The following DOCK9 variants were observed in gnomAD, a reference collection of about 807,000 sequenced individuals.
DOCK9 encodes the protein dedicator of cytokinesis protein 9.
A neutral mutation model predicts 263.3 loss-of-function variants in DOCK9; 89 were observed. The ratio of observed to expected loss-of-function variants is 0.34; its 90% CI spans 0.28 to 0.40. DOCK9 has a LOEUF of 0.40. DOCK9 is among the 10% of genes least tolerant of loss of function. The pLI, the probability that DOCK9 is intolerant of heterozygous loss-of-function variation, is 1.00. For missense variants in DOCK9, 2,140 were observed against 2,603.4 expected (o/e 0.82, Z 3.87); for synonymous variants, 976 against 973.1 (o/e 1.00, Z -0.06).
chr13:99,043,968 G>T (rs929197900), intron 1 of DOCK9, among the ~76,000 whole-genome samples: 1 of 152,074 alleles, frequency 6.6e-6, no homozygotes, highest in Non-Finnish European at 1.5e-5. Context: ...TCTAATAAAA[G>T]TTTGCTGAAT....
chr13:98,885,235 A>G, intron 20 of DOCK9, 143 bp from the exon 21 acceptor site: 1 of 1,131,950 alleles, frequency 8.8e-7, no homozygotes, highest in East Asian at 2.6e-5. Context: ...CCTAAATGTA[A>G]TCTCTGCAGA....
chr13:98,867,014 T>A lies in DOCK9; in HGVS notation c.3286+411A>T, dbSNP rs972714343. 1.2e-5 allele frequency: 5 copies of A among 404,824 alleles called. No individual in the cohort carries two copies. In the Admixed American group the frequency reaches 1.9e-4, roughly 15 times the overall value. The allele number at this position is 404,824 out of a possible 1,614,324, so 25.1% of individuals were successfully genotyped here. A position where few individuals can be genotyped will look rare whatever the true frequency, so the allele number is the denominator to read the frequency against. On this transcript the variant is annotated intron_variant, in intron 30 of 52. Coordinates refer to ENST00000682017, the MANE Select transcript of DOCK9 (RefSeq NM_001366683.2). The stretch of plus-strand genomic sequence containing the variant: ...TTCAGCCATCACTTGCATTCTTTAT[T>A]TTTTAGAGGAGGAAAATGCAAGAAA...
chr13:98,966,534 T>C (rs1486896566), intron 1 of DOCK9, among the ~76,000 whole-genome samples: 1 of 152,252 alleles, frequency 6.6e-6, no homozygotes, highest in African/African-American at 2.4e-5. Context: ...TTTTTAGCAT[T>C]ATGACCTAAA....
chr13:98,968,657 G>A (rs1404715394), intron 1 of DOCK9, among the ~76,000 whole-genome samples: 1 of 152,148 alleles, frequency 6.6e-6, no homozygotes, highest in Non-Finnish European at 1.5e-5. Context: ...TATGGCTCAT[G>A]TTATATTTCT....
intron 7 of DOCK9, among the ~76,000 whole-genome samples, chr13:98,917,982 G>C (rs138308983): frequency 2.6e-4 from 40 of 152,200 alleles, no homozygotes; most frequent in Admixed American, 2.4e-3. Context: ...TCACTTAATT[G>C]ACCTCCTTGG....
intron 18 of DOCK9, among the ~76,000 whole-genome samples, chr13:98,887,141 A>ATTTTTTTTTTT (rs1335567169): frequency 2.3e-4 from 14 of 59,618 alleles, no homozygotes; most frequent in East Asian, 1.7e-3. Flanking sequence ...ATATATATAT[A>ATTTTTTTTTTT]TATTTTTTTT....
chr13:98,937,099 T>C (rs1435230455), intron 2 of DOCK9, among the ~76,000 whole-genome samples: 1 of 152,242 alleles, frequency 6.6e-6, no homozygotes, highest in Non-Finnish European at 1.5e-5. Context: ...CCCAACATCA[T>C]TTGAATGCCC....
At chr13:98,824,902 A>G (rs527864315) in intron 44 of DOCK9, among the ~76,000 whole-genome samples, 1 of 152,352 alleles carries the variant, frequency 6.6e-6, no homozygotes, top group East Asian at 1.9e-4. Flanking sequence ...GAAATGTATG[A>G]TTCAAAAAGA....
At chr13:99,050,416 C>T (rs994179807) in intron 1 of DOCK9, among the ~76,000 whole-genome samples, 2 of 152,132 alleles carry the variant, frequency 1.3e-5, no homozygotes, top group East Asian at 1.9e-4. Flanking sequence ...ATGTCATGAC[C>T]GGGCGCAGTG....
intron 34 of DOCK9, among the ~76,000 whole-genome samples, chr13:98,854,094 C>T (rs2093641476): frequency 6.6e-6 from 1 of 152,134 alleles, no homozygotes; most frequent in Non-Finnish European, 1.5e-5. Flanking sequence ...AGGGACACGT[C>T]AGCACAGCAT....
At chr13:99,055,427 G>A (rs1386256922) in intron 1 of DOCK9, among the ~76,000 whole-genome samples, 4 of 152,190 alleles carry the variant, frequency 2.6e-5, no homozygotes, top group African/African-American at 4.8e-5. Flanking sequence ...GAACGTCTGC[G>A]TTGGCTGGGC....
At chr13:98,896,978 G>C (rs1475149197) in intron 15 of DOCK9, among the ~76,000 whole-genome samples, 1 of 152,186 alleles carries the variant, frequency 6.6e-6, no homozygotes, top group South Asian at 2.1e-4. Context: ...AGACACACAG[G>C]AAGAGGACCA....
intron 1 of DOCK9, among the ~76,000 whole-genome samples, chr13:99,084,066 C>A (rs1675998618): frequency 6.6e-6 from 1 of 152,176 alleles, no homozygotes; most frequent in Non-Finnish European, 1.5e-5. Flanking sequence ...TGCTGCTCTG[C>A]CTCCTGAGAA....
intron 15 of DOCK9, among the ~76,000 whole-genome samples, chr13:98,896,076 C>G (rs768022951): frequency 6.6e-6 from 1 of 152,162 alleles, no homozygotes; most frequent in Non-Finnish European, 1.5e-5. Context: ...ATCAGCCCAG[C>G]GGGCATGCAC....
At chr13:98,874,574 T>C (rs1399962394) in intron 27 of DOCK9, among the ~76,000 whole-genome samples, 2 of 152,210 alleles carry the variant, frequency 1.3e-5, no homozygotes, top group East Asian at 3.8e-4. Flanking sequence ...TTCATAATGC[T>C]CTCCATCCTC....
chr13:98,975,024 A>C (rs2060099771), intron 1 of DOCK9, among the ~76,000 whole-genome samples: 1 of 152,220 alleles, frequency 6.6e-6, no homozygotes, highest in Non-Finnish European at 1.5e-5. Flanking sequence ...AAACAATTAG[A>C]AACAAATTAA....
At chr13:98,870,702 T>G (rs1443847716) in intron 27 of DOCK9, among the ~76,000 whole-genome samples, 1 of 152,052 alleles carries the variant, frequency 6.6e-6, no homozygotes, top group Admixed American at 6.6e-5. Flanking sequence ...GATGCAATAG[T>G]AACAGCTATG....
At chr13:98,858,526 C>T (rs1192479394) in intron 33 of DOCK9, 1 of 152,090 alleles carries the variant, frequency 6.6e-6, no homozygotes, top group Non-Finnish European at 1.5e-5. Flanking sequence ...CCCTGATGAA[C>T]AAAGAATTGT....
Position 98,901,761 on chromosome 13 carries a change from G to A in DOCK9, c.1503+17C>T, listed in dbSNP as rs575152918. On this transcript the variant is annotated intron_variant, in intron 13 of 52. Coordinates refer to ENST00000682017, the MANE Select transcript of DOCK9 (RefSeq NM_001366683.2). The stretch of plus-strand genomic sequence containing the variant: ...AGATTGCTTTTTACCACCCCAAAGC[G>A]TAAAAGCCATTCATACCTTAGAAGA... The A allele has an allele frequency of 2.0e-5, 33 of 1,610,592 alleles. No individual in the cohort carries two copies. In the Middle Eastern group the frequency reaches 5.0e-4, roughly 24 times the overall value.
Sources: gnomAD v4.1 joint callset for allele counts (sites outside exome capture counted in the v4.1 genomes callset) on GRCh38, gnomAD v4.1.1 for gene constraint, MANE v1.5 for transcripts, NCBI Gene and HGNC (gene_info 2026-07-23, HGNC 2026-07-21) for gene names.